The following PHGDH variants were observed in gnomAD, a reference collection of about 807,000 sequenced individuals.
PHGDH encodes D-3-phosphoglycerate dehydrogenase.
PHGDH carries 50 observed loss-of-function variants against 52.6 expected under a neutral mutation model. The ratio of observed to expected loss-of-function variants is 0.95; its 90% confidence interval spans 0.76 to 1.20. PHGDH has a LOEUF of 1.20. Among genes scored for constraint, PHGDH ranks in the 50% most tolerant of loss-of-function variants. The pLI, the probability that PHGDH is intolerant of heterozygous loss-of-function variation, is 0.00. For missense variants in PHGDH, 630 were observed against 684.6 expected (o/e 0.92, Z 0.89); for synonymous variants, 271 against 280.5 (o/e 0.97, Z 0.34).
At chr1:119,720,366 T>C (rs1454862906) in intron 1 of PHGDH, 1 of 152,268 alleles carries the variant, frequency 6.6e-6, no homozygotes, top group African/African-American at 2.4e-5. Flanking sequence ...GGTCTCTCTT[T>C]TAGGAAATGT....
At position 119,726,884 on chromosome 1, in the gene PHGDH, C is replaced by T. The variant is rs148078511; in HGVS notation, c.390C>T (p.Asp130=). The stretch of plus-strand genomic sequence containing the variant: ...CCCAGGCGACGGCTTCGATGAAGGA[C>T]GGCAAATGGGAGCGGAAGAAGGTGA... ...QIPQATASMK[D]GKWERKKFMG... is the part of the protein sequence containing the mutation. Residue 130 remains aspartate (D), a synonymous_variant, in exon 4 of 12, where the codon GAC becomes GAT. Coordinates refer to ENST00000641023, the MANE Select transcript of PHGDH (RefSeq NM_006623.4). 1.4e-4 allele frequency: 231 copies of T among 1,614,042 alleles called. No individual in the cohort carries two copies. The highest frequency in any genetic ancestry group is 1.8e-4 in the Non-Finnish European group (210 of 1,179,972).
chr1:119,741,660 A>G, intron 9 of PHGDH, 107 bp from the exon 10 acceptor site: 1 of 1,034,856 alleles, frequency 9.7e-7, no homozygotes, highest in South Asian at 1.3e-5. Context: ...TGGGGTCCCC[A>G]GGGCAGCGAG....
In PHGDH at chr1:119,741,788, G is replaced by C. The variant is rs768838647; in HGVS notation, c.1100G>C (p.Gly367Ala). The C allele has an allele frequency of 6.2e-7, 1 of 1,613,408 alleles. No homozygotes were observed. The highest frequency in any genetic ancestry group is 8.5e-7 in the Non-Finnish European group (1 of 1,179,466). ...ITQGTSLKNAGNCLSPAVIVG... is the reference protein window; with the variant it reads ...ITQGTSLKNAANCLSPAVIVG... ...CCAGGAACATCCCTGAAGAATGCTG[G>C]GAACTGCCTAAGCCCCGCAGTCATT... Residue 367 changes from glycine to alanine, a missense_variant, in exon 10 of 12, where the codon GGG becomes GCG. Gly to Ala is a moderately conservative substitution (Grantham distance 60). Transcript: ENST00000641023.
chr1:119,724,221 T>C (rs935797024), intron 3 of PHGDH: 3 of 159,762 alleles, frequency 1.9e-5, no homozygotes, highest in Non-Finnish European at 4.1e-5. Flanking sequence ...AGGCTCCCAA[T>C]AAACAGGGTA....
rs1651268472 is a variant in PHGDH at position 119,723,536 on chromosome 1, T to C, written c.356+95T>C. The C allele has an allele frequency of 3.0e-6, 3 of 987,010 alleles. No homozygotes were observed. In the African/African-American group the frequency reaches 4.8e-5, roughly 16 times the overall value. The allele number at this position is 987,010 out of a possible 1,614,324, so 61.1% of individuals were successfully genotyped here. On this transcript the variant is annotated intron_variant, in intron 3 of 11. Transcript: ENST00000641023. ...GGACCCAGAAAAACTTAGAAACATT[T>C]CGTCTCAGCGACTTGCAGACTGCTA... is the stretch of plus-strand genomic sequence containing the variant.
intron 7 of PHGDH, among the ~76,000 whole-genome samples, chr1:119,736,310 C>A (rs1433620322): frequency 6.6e-6 from 1 of 152,166 alleles, no homozygotes; most frequent in East Asian, 1.9e-4. Flanking sequence ...TCCTCCCTAA[C>A]ACAGCACCTT....
At position 119,739,968 on chromosome 1, in the gene PHGDH, A is replaced by C. The variant is rs587741366; in HGVS notation, c.946-418A>C. ...CTTAAAAAAATTCAAGATAGAAAAT[A>C]AAAATGAAGGCAAGTTGGGACTGCC... is the stretch of plus-strand genomic sequence containing the variant. On this transcript the variant is annotated intron_variant, in intron 8 of 11. Transcript: ENST00000641023. 4 of 196,304 alleles carry C rather than the reference A, an allele frequency of 2.0e-5. No individual in the cohort carries two copies. In the South Asian group the frequency reaches 4.6e-4, roughly 23 times the overall value. The allele number at this position is 196,304 out of a possible 1,614,324, so 12.2% of individuals were successfully genotyped here.
At chr1:119,719,560 A>G (rs587754617) in intron 1 of PHGDH, 2 of 152,384 alleles carry the variant, frequency 1.3e-5, no homozygotes, top group Admixed American at 1.3e-4. Flanking sequence ...AAACACCTCC[A>G]GAGGAATCGT....
In PHGDH at chr1:119,743,954, T is replaced by G; in HGVS notation, c.1516T>G (p.Trp506Gly). The change falls in exon 12 of 12, where the codon TGG becomes GGG. Residue 506 changes from tryptophan to glycine, a missense_variant. Coordinates refer to ENST00000641023, the MANE Select transcript of PHGDH (RefSeq NM_006623.4). The part of the protein sequence containing the change: ...QTSLVSDGET[W>G]HVMGISSLLP... Reference sequence around the variant, plus strand: ...TTCACTGGTGTCAGATGGGGAGACCTGGCACGTCATGGGCATCTCCTCCTT... The same window carrying G: ...TTCACTGGTGTCAGATGGGGAGACCGGGCACGTCATGGGCATCTCCTCCTT... 1 of 1,613,802 alleles carries G rather than the reference T, an allele frequency of 6.2e-7. No individual in the cohort carries two copies. The highest frequency in any genetic ancestry group is 8.5e-7 in the Non-Finnish European group (1 of 1,179,638).
chr1:119,742,021 G>A (rs1447629977), intron 10 of PHGDH, 124 bp downstream of exon 10: 2 of 809,158 alleles, frequency 2.5e-6, no homozygotes, highest in Non-Finnish European at 4.1e-6. Flanking sequence ...CTGTCTACCT[G>A]TGAGGGGTAG....
intron 1 of PHGDH, among the ~76,000 whole-genome samples, chr1:119,717,155 C>G (rs587707980): frequency 7.7e-4 from 102 of 133,122 alleles, no homozygotes; most frequent in African/African-American, 2.8e-3. Context: ...TCGCTTGAAC[C>G]CGGGAGGCGG....
intron 7 of PHGDH, among the ~76,000 whole-genome samples, chr1:119,735,695 C>T (rs964449495): frequency 3.3e-5 from 5 of 152,272 alleles, no homozygotes; most frequent in South Asian, 2.1e-4. Flanking sequence ...TTCCTGGTTC[C>T]GGGCTTCTCA....
In PHGDH at chr1:119,711,938, T is replaced by C; in HGVS notation, c.-85T>C. 1 of 1,405,202 alleles carries C rather than the reference T, an allele frequency of 7.1e-7. No individual in the cohort carries two copies. Among genetic ancestry groups the C allele is most frequent in the Non-Finnish European group, 1.0e-6 (1 of 992,290 alleles). 87.0% of individuals were successfully genotyped at this position (1,405,202 alleles called of 1,614,324 possible). On this transcript the variant is annotated 5_prime_UTR_variant, in exon 1 of 12. Transcript: ENST00000641023. ...GCGGGAGCTGGAGAATACTGCCCAG[T>C]TACTCTAGCGCGCCAGGCCGAACCG...
chr1:119,737,264 G>C lies in PHGDH; in HGVS notation c.943G>C (p.Val315Leu), dbSNP rs745864590. 2 of 1,612,516 alleles carry C rather than the reference G, an allele frequency of 1.2e-6. No individual in the cohort carries two copies. The highest frequency in any genetic ancestry group is 2.2e-5 in the East Asian group (1 of 44,828). Reference sequence around the variant, plus strand: ...GGTGAAGGGGAAATCTCTCACGGGGGTTGTAAGTATCACCACCTGGGGCTG... The same window carrying C: ...GGTGAAGGGGAAATCTCTCACGGGGCTTGTAAGTATCACCACCTGGGGCTG... ...DMVKGKSLTG[V>L]VNAQALTSAF... is the part of the protein sequence containing the mutation. The change falls in exon 8 of 12, where the codon GTT becomes CTT. Residue 315 changes from valine to leucine, a missense_variant and splice_region_variant. Transcript: ENST00000641023.
At chr1:119,740,021 G>T (rs1027597001) in intron 8 of PHGDH, 21 of 227,762 alleles carry the variant, frequency 9.2e-5, no homozygotes, top group Non-Finnish European at 2.6e-5. Context: ...CCTCATCCAA[G>T]TTATCTGCGA....
chr1:119,741,980 G>C, intron 10 of PHGDH, 83 bp downstream of exon 10: 1 of 1,237,412 alleles, frequency 8.1e-7, no homozygotes, highest in Non-Finnish European at 1.2e-6. Flanking sequence ...CGTTCTCTGA[G>C]CGGAGGCCTA....
chr1:119,716,389 A>G (rs894741204), intron 1 of PHGDH, among the ~76,000 whole-genome samples: 3 of 152,196 alleles, frequency 2.0e-5, no homozygotes, highest in Admixed American at 6.5e-5. Flanking sequence ...CATGAAAGAA[A>G]CAATAGTGCT....
chr1:119,736,522 G>A (rs142526934), intron 7 of PHGDH, among the ~76,000 whole-genome samples: 1 of 152,324 alleles, frequency 6.6e-6, no homozygotes, highest in East Asian at 1.9e-4. Flanking sequence ...TCTTCTCAGT[G>A]AGCAGAAGGG....
intron 2 of PHGDH, chr1:119,721,572 C>G (rs1651167366): frequency 2.1e-6 from 1 of 479,048 alleles, no homozygotes; most frequent in East Asian, 3.4e-5. Flanking sequence ...AATTGAGAGT[C>G]CCTGCATAAT....
Sources: allele counts gnomAD v4.1 joint callset (sites outside exome capture counted in the v4.1 genomes callset), GRCh38; gene constraint gnomAD v4.1.1; transcripts MANE v1.5; gene names NCBI Gene and HGNC (gene_info 2026-07-23, HGNC 2026-07-21).